Variants in TRIB2 observed in about 807,000 individuals in gnomAD.
TRIB2 encodes tribbles homolog 2.
TRIB2 carries 2 observed loss-of-function variants against 26.8 expected under a neutral mutation model. The ratio of observed to expected loss-of-function variants is 0.07; its 90% CI spans 0.03 to 0.24. The LOEUF is 0.24. Ranked by LOEUF, TRIB2 falls within the 10% of genes least tolerant of loss-of-function variation. The pLI is 1.00. For missense variants in TRIB2, 306 were observed against 449.0 expected (o/e 0.68, Z 2.88); for synonymous variants, 189 against 187.3 (o/e 1.01, Z -0.08).
At chr2:12,733,454 G>C (rs1036534907) in intron 2 of TRIB2, among the ~76,000 whole-genome samples, 2 of 152,316 alleles carry the variant, frequency 1.3e-5, no homozygotes, top group Admixed American at 1.3e-4. Flanking sequence ...GAGTCCAGAT[G>C]TAGATTCAGA....
At chr2:12,720,371 G>C (rs1050916564) in intron 1 of TRIB2, among the ~76,000 whole-genome samples, 4 of 152,208 alleles carry the variant, frequency 2.6e-5, no homozygotes, top group African/African-American at 7.2e-5. Flanking sequence ...TTTAAGTGCA[G>C]TATCATTGTT....
At chr2:12,725,590 T>G (rs1661323763) in intron 2 of TRIB2, among the ~76,000 whole-genome samples, 1 of 152,168 alleles carries the variant, frequency 6.6e-6, no homozygotes, top group Non-Finnish European at 1.5e-5. Flanking sequence ...GGGAAGAAGC[T>G]TCCAACCTCA....
intron 1 of TRIB2, among the ~76,000 whole-genome samples, chr2:12,721,863 A>T (rs554678921): frequency 6.6e-6 from 1 of 152,336 alleles, no homozygotes; most frequent in South Asian, 2.1e-4. Context: ...CTTAAATAGC[A>T]GTCTGTGGCT....
chr2:12,739,564 T>TA (rs1472150941), intron 2 of TRIB2, among the ~76,000 whole-genome samples: 2 of 152,200 alleles, frequency 1.3e-5, no homozygotes, highest in African/African-American at 4.8e-5. Flanking sequence ...ATGGTCTTGA[T>TA]ACGAGGGTGT....
chr2:12,733,683 G>A (rs955248095), intron 2 of TRIB2, among the ~76,000 whole-genome samples: 1 of 152,176 alleles, frequency 6.6e-6, no homozygotes, highest in Non-Finnish European at 1.5e-5. Flanking sequence ...CATATGGTGT[G>A]TTGTAATCAC....
At chr2:12,736,682 C>T (rs1480665500) in intron 2 of TRIB2, among the ~76,000 whole-genome samples, 3 of 152,188 alleles carry the variant, frequency 2.0e-5, no homozygotes, top group African/African-American at 7.2e-5. Context: ...GTGCCAGGTA[C>T]TCGTCTAGGT....
intron 2 of TRIB2, among the ~76,000 whole-genome samples, chr2:12,737,106 G>T (rs1159487583): frequency 1.3e-5 from 2 of 152,108 alleles, no homozygotes; most frequent in Non-Finnish European, 2.9e-5. Context: ...GTCCCTGGGG[G>T]TCACCCTGCA....
chr2:12,724,968 C>T lies in TRIB2; in HGVS notation c.563+1416C>T. ...AGAGGTCATATTTGTTTACCTCTTA[C>T]CATAAGGTTAAAGTTTAATTCTCTC... On this transcript the variant is annotated intron_variant, in intron 2 of 2. Coordinates refer to ENST00000155926, the MANE Select transcript of TRIB2 (RefSeq NM_021643.4). 3 of 1,283,706 alleles carry T rather than the reference C, an allele frequency of 2.3e-6. No homozygotes were observed. In the South Asian group the frequency reaches 4.9e-5, roughly 21 times the overall value. 79.5% of individuals were successfully genotyped at this position (1,283,706 alleles called of 1,614,324 possible).
intron 2 of TRIB2, among the ~76,000 whole-genome samples, chr2:12,726,451 G>A (rs1298404381): frequency 2.0e-5 from 3 of 152,212 alleles, no homozygotes; most frequent in African/African-American, 2.4e-5. Flanking sequence ...GGAAGAGTGT[G>A]AGGCCAAGTG....
chr2:12,738,342 G>A (rs981980184), intron 2 of TRIB2, among the ~76,000 whole-genome samples: 7 of 152,294 alleles, frequency 4.6e-5, no homozygotes, highest in Admixed American at 3.3e-4. Flanking sequence ...GCTTACTTGA[G>A]CTTTTTTTGC....
Position 12,724,932 on chromosome 2 carries a change from C to T in TRIB2, c.563+1380C>T, listed in dbSNP as rs1325466373. On this transcript the variant is annotated intron_variant, in intron 2 of 2. Coordinates refer to ENST00000155926, the MANE Select transcript of TRIB2 (RefSeq NM_021643.4). ...TTTCTTGGAGATTTAATAACTGCACCTACAAAAATAAGAGGTCATATTTGT... is the reference window on the plus strand; with the variant it reads ...TTTCTTGGAGATTTAATAACTGCACTTACAAAAATAAGAGGTCATATTTGT... 2.1e-6 allele frequency: 3 copies of T among 1,437,692 alleles called. No individual in the cohort carries two copies. In the East Asian group the frequency reaches 7.3e-5, roughly 35 times the overall value. The allele number at this position is 1,437,692 out of a possible 1,614,324, so 89.1% of individuals were successfully genotyped here.
Position 12,740,213 on chromosome 2 carries a change from A to C in TRIB2, c.564-113A>C, listed in dbSNP as rs1282410979. On this transcript the variant is annotated intron_variant, in intron 2 of 2. Coordinates refer to ENST00000155926, the MANE Select transcript of TRIB2 (RefSeq NM_021643.4). This position sits in a 1 kb window ranked among gnomAD's most constrained non-coding sequence, Gnocchi z 5.8. ...GGCTGGTCAGATGAATGCGTGAATG[A>C]ATGAATGTGAATGAGGAGTCTTCAG... The C allele has an allele frequency of 9.8e-7, 1 of 1,015,232 alleles. No homozygotes were observed. Among genetic ancestry groups the C allele is most frequent in the Non-Finnish European group, 1.5e-6 (1 of 683,694 alleles). The allele number at this position is 1,015,232 out of a possible 1,614,324, so 62.9% of individuals were successfully genotyped here.
intron 2 of TRIB2, among the ~76,000 whole-genome samples, chr2:12,733,885 T>G (rs1572483809): frequency 1.3e-5 from 2 of 148,270 alleles, no homozygotes; most frequent in African/African-American, 2.5e-5. Context: ...TGGATGGGGG[T>G]GGGGGGAGAA....
chr2:12,729,012 C>T (rs569398050), intron 2 of TRIB2, among the ~76,000 whole-genome samples: 5 of 152,242 alleles, frequency 3.3e-5, no homozygotes, highest in African/African-American at 7.2e-5. Flanking sequence ...AAGTTGTAGG[C>T]GCTTTGTATT....
intron 2 of TRIB2, among the ~76,000 whole-genome samples, chr2:12,727,084 G>A (rs1366585845): frequency 6.6e-6 from 1 of 152,182 alleles, no homozygotes; most frequent in Admixed American, 6.5e-5. Flanking sequence ...GCAGCTCAGA[G>A]TCTTCTGTTT....
Position 12,740,673 on chromosome 2 carries a change from A to G in TRIB2, c.911A>G (p.Asp304Gly). ...CGGCTGACCTCGCAGGAAATTCTGG[A>G]CCATCCTTGGTTTTCTACAGATTTT... ...SERLTSQEIL[D>G]HPWFSTDFSV... Residue 304 changes from aspartate to glycine, a missense_variant, in exon 3 of 3, where the codon GAC (aspartate) becomes GGC (glycine). Physicochemically the swap from Asp to Gly is moderately conservative, Grantham distance 94 (BLOSUM62 -1). This residue lies in a region of TRIB2 where 78 missense variants were observed against 104.9 expected (regional missense o/e 0.74). Transcript: ENST00000155926. This position sits in a 1 kb window ranked among gnomAD's most constrained non-coding sequence, Gnocchi z 5.8. 1 of 1,614,156 alleles carries G rather than the reference A, an allele frequency of 6.2e-7. No individual in the cohort carries two copies. The highest frequency in any genetic ancestry group is 1.3e-5 in the African/African-American group (1 of 75,034).
At chr2:12,737,277 CTTACTA>C (rs1232625671) in intron 2 of TRIB2, 2 of 154,780 alleles carry the variant, frequency 1.3e-5, no homozygotes, top group African/African-American at 4.8e-5. Context: ...TGTTTTTCTT[CTTACTA>C]TTATTTCCAC....
chr2:12,740,682 G>C lies in TRIB2; in HGVS notation c.920G>C (p.Trp307Ser). The change falls in exon 3 of 3, where the codon TGG (tryptophan) becomes TCG (serine). Residue 307 changes from tryptophan (W) to serine (S), a missense_variant. Around this residue, in one of 4 missense-constraint regions of TRIB2, gnomAD observed 78 missense variants for 104.9 expected, o/e 0.74. Coordinates refer to ENST00000155926, the MANE Select transcript of TRIB2 (RefSeq NM_021643.4). The surrounding 1 kb of genome is among the most constrained non-coding windows in gnomAD (Gnocchi z 5.8). Reference protein sequence around the residue: ...LTSQEILDHPWFSTDFSVSNS... With the variant: ...LTSQEILDHPSFSTDFSVSNS... Reference sequence around the variant, plus strand: ...TCGCAGGAAATTCTGGACCATCCTTGGTTTTCTACAGATTTTAGCGTCTCG... The same window carrying C: ...TCGCAGGAAATTCTGGACCATCCTTCGTTTTCTACAGATTTTAGCGTCTCG... 6.2e-7 allele frequency: 1 copy of C among 1,614,168 alleles called. No homozygotes were observed. Among genetic ancestry groups the C allele is most frequent in the Non-Finnish European group, 8.5e-7 (1 of 1,180,036 alleles).
rs185183312 is a variant in TRIB2, at chr2:12,720,166, T to C, written c.270+1589T>C. 2.6e-5 allele frequency among the ~76,000 whole-genome samples: 4 copies of C among 152,352 alleles called. No homozygotes were observed. In the East Asian group the frequency reaches 7.7e-4, roughly 29 times the overall value. ...CAGGGGCATCTGGCTGTTACTTCTT[T>C]GTTTAAAATCAGAGGTGACTCTGGC... On this transcript the variant is annotated intron_variant, in intron 1 of 2. Transcript: ENST00000155926.
Sources: gnomAD v4.1 joint callset for allele counts (sites outside exome capture counted in the v4.1 genomes callset) on GRCh38, gnomAD v4.1.1 for gene constraint, gnomAD v4.1.1 regional missense constraint, Gnocchi (gnomAD v3.1) non-coding constraint, MANE v1.5 for transcripts, NCBI Gene and HGNC (gene_info 2026-07-23, HGNC 2026-07-21) for gene names.